Variants in MAP3K3 observed in about 807,000 individuals in gnomAD.
The protein encoded by MAP3K3 is MAP/ERK kinase kinase 3.
MAP3K3 carries 12 observed loss-of-function variants against 80.9 expected under a neutral mutation model. The ratio of observed to expected loss-of-function variants is 0.15; its 90% confidence interval spans 0.10 to 0.24. The LOEUF is 0.24. Among genes scored for constraint, MAP3K3 ranks in the 10% least tolerant of loss-of-function variants. The probability of loss-of-function intolerance (pLI) is 1.00; values close to 1 mark genes in which losing one functional copy is unlikely to be tolerated. For synonymous variants in MAP3K3, 272 were observed against 307.1 expected, an observed-to-expected ratio of 0.89 and a Z score of 1.19; for missense variants, 596 against 834.7, an observed-to-expected ratio of 0.71 and a Z score of 3.52.
At position 63,691,050 on chromosome 17, in the gene MAP3K3, C is replaced by A. The variant is rs372995382; in HGVS notation, c.1213-52C>A. The A allele has an allele frequency of 3.9e-5, 63 of 1,607,900 alleles. No homozygotes were observed. Among genetic ancestry groups the A allele is most frequent in the Non-Finnish European group, 4.6e-5 (54 of 1,176,870 alleles). ...TAGGGCAAGCTGAGCTGAACCCAGG[C>A]GGGCAGAACTAGGGCCCTGAGAGCT... On this transcript the variant is annotated intron_variant, in intron 12 of 15. Transcript: ENST00000361733. This position sits in a 1 kb window ranked among gnomAD's most constrained non-coding sequence, Gnocchi z 4.8.
chr17:63,692,529 GC>G lies in MAP3K3; in HGVS notation c.1652+113del. Reference sequence around the variant, plus strand: ...TGTGGCAGGAGGGAGTGTGCCCAGGGCCCAGGCTGCAGTGTGTGCAAGGGTA... The same window carrying G: ...TGTGGCAGGAGGGAGTGTGCCCAGGGCCAGGCTGCAGTGTGTGCAAGGGTA... On this transcript the variant is annotated intron_variant, in intron 15 of 15. Transcript: ENST00000361733. This position sits in a 1 kb window ranked among gnomAD's most constrained non-coding sequence, Gnocchi z 4.5. 8.6e-7 allele frequency: 1 copy of G among 1,168,762 alleles called. No individual in the cohort carries two copies. Among genetic ancestry groups the G allele is most frequent in the Non-Finnish European group, 1.2e-6 (1 of 844,168 alleles). 72.4% of individuals were successfully genotyped at this position (1,168,762 alleles called of 1,614,324 possible).
Position 63,689,692 on chromosome 17 carries a change from C to A in MAP3K3, c.1020C>A (p.Ser340Arg). ...DPRGRLRSAD[S>R]ENALSVQERN... is the part of the protein sequence containing the mutation. Reference sequence around the variant, plus strand: ...GTGGGCGCCTGCGGAGTGCGGACAGCGAGAATGCCCTCTCTGTGCAGGAGA... The same window carrying A: ...GTGGGCGCCTGCGGAGTGCGGACAGAGAGAATGCCCTCTCTGTGCAGGAGA... Residue 340 changes from serine (S) to arginine (R), a missense_variant, in exon 11 of 16, where the codon AGC becomes AGA. Transcript: ENST00000361733. The surrounding 1 kb of genome is among the most constrained non-coding windows in gnomAD (Gnocchi z 4.3). The A allele has an allele frequency of 6.2e-7, 1 of 1,613,862 alleles. No individual in the cohort carries two copies. The highest frequency in any genetic ancestry group is 1.1e-5 in the South Asian group (1 of 91,014).
intron 8 of MAP3K3, chr17:63,688,093 T>C (rs1384097067): frequency 4.0e-6 from 1 of 247,924 alleles, no homozygotes; most frequent in Non-Finnish European, 8.0e-6. Flanking sequence ...TATGGTGTAT[T>C]TGCTACCTCA....
intron 2 of MAP3K3, among the ~76,000 whole-genome samples, chr17:63,641,026 A>C (rs530644185): frequency 6.6e-6 from 1 of 152,328 alleles, no homozygotes; most frequent in South Asian, 2.1e-4. Context: ...CAAAACATGC[A>C]TTCTGAAACA....
intron 6 of MAP3K3, among the ~76,000 whole-genome samples, chr17:63,673,247 CAG>C (rs1310416108): frequency 6.6e-6 from 1 of 152,168 alleles, no homozygotes; most frequent in African/African-American, 2.4e-5. Context: ...CAGATAAACA[CAG>C]ATAAAATCTT....
In MAP3K3 at chr17:63,694,961, T is replaced by C. The variant is rs1310971084; in HGVS notation, c.*1184T>C. On this transcript the variant is annotated 3_prime_UTR_variant, in exon 16 of 16. Coordinates refer to ENST00000361733, the MANE Select transcript of MAP3K3 (RefSeq NM_002401.5). ...TGGGGAAACAGCATCTCCAAGCAGC[T>C]TAGAGTTGGCCATATTTACCTCAGC... 1 of 153,242 alleles carries C rather than the reference T, an allele frequency of 6.5e-6. No homozygotes were observed. Among genetic ancestry groups the C allele is most frequent in the African/African-American group, 2.4e-5 (1 of 41,462 alleles). 9.5% of individuals were successfully genotyped at this position (153,242 alleles called of 1,614,324 possible).
intron 5 of MAP3K3, among the ~76,000 whole-genome samples, chr17:63,663,955 G>T (rs769773516): frequency 2.6e-5 from 4 of 151,046 alleles, no homozygotes; most frequent in Non-Finnish European, 4.4e-5. Context: ...TTTAAAAAGG[G>T]CTTTAGGCCG....
intron 2 of MAP3K3, among the ~76,000 whole-genome samples, chr17:63,639,262 CAGTT>C (rs1031899747): frequency 1.3e-5 from 2 of 152,034 alleles, no homozygotes; most frequent in East Asian, 1.9e-4. Flanking sequence ...GAAGTATAAA[CAGTT>C]AGGTAGAACG....
At chr17:63,653,491 C>T (rs2034700847) in intron 4 of MAP3K3, among the ~76,000 whole-genome samples, 1 of 152,108 alleles carries the variant, frequency 6.6e-6, no homozygotes, top group South Asian at 2.1e-4. Context: ...ATTTAGTACT[C>T]TTTTCTTTTT....
At chr17:63,637,605 G>A (rs1160744068) in intron 2 of MAP3K3, among the ~76,000 whole-genome samples, 1 of 152,216 alleles carries the variant, frequency 6.6e-6, no homozygotes, top group Non-Finnish European at 1.5e-5. Flanking sequence ...CTGCAGGTGT[G>A]AGCTTTGGGG....
At chr17:63,663,496 G>A (rs538582635) in intron 5 of MAP3K3, among the ~76,000 whole-genome samples, 4 of 147,844 alleles carry the variant, frequency 2.7e-5, no homozygotes, top group East Asian at 2.0e-4. Context: ...GCGAAACTCC[G>A]TCTCAAAAAA....
rs2035542471 is a variant in MAP3K3, at chr17:63,689,689, C to T, written c.1017C>T (p.Asp339=). 6.2e-7 allele frequency: 1 copy of T among 1,613,848 alleles called. No homozygotes were observed. The highest frequency in any genetic ancestry group is 8.5e-7 in the Non-Finnish European group (1 of 1,179,938). Residue 339 remains aspartate, a synonymous_variant, in exon 11 of 16, where the codon GAC becomes GAT. Transcript: ENST00000361733. This position sits in a 1 kb window ranked among gnomAD's most constrained non-coding sequence, Gnocchi z 4.3. ...LDPRGRLRSA[D]SENALSVQER... ...CCCGTGGGCGCCTGCGGAGTGCGGACAGCGAGAATGCCCTCTCTGTGCAGG... is the reference window on the plus strand; with the variant it reads ...CCCGTGGGCGCCTGCGGAGTGCGGATAGCGAGAATGCCCTCTCTGTGCAGG...
intron 1 of MAP3K3, among the ~76,000 whole-genome samples, chr17:63,623,367 C>A (rs921966031): frequency 6.6e-6 from 1 of 152,184 alleles, no homozygotes; most frequent in Non-Finnish European, 1.5e-5. Flanking sequence ...GCGTGCTGCA[C>A]GCAGATTGCT....
At chr17:63,655,375 A>G (rs1227544083) in intron 4 of MAP3K3, among the ~76,000 whole-genome samples, 4 of 152,234 alleles carry the variant, frequency 2.6e-5, no homozygotes, top group Non-Finnish European at 1.5e-5. Flanking sequence ...GGATGGGGAC[A>G]CAGCCAAACC....
rs145743099 is a variant in MAP3K3 at position 63,649,303 on chromosome 17, G to T, written c.167+3229G>T. On this transcript the variant is annotated intron_variant, in intron 3 of 15. Transcript: ENST00000361733. ...AATATAAAAATTAGCTGGGTGTGGT[G>T]GTGCACACCTGTAGTCCCAGCTACT... is the stretch of plus-strand genomic sequence containing the variant. 8.3e-3 allele frequency among the ~76,000 whole-genome samples: 1,255 copies of T among 152,096 alleles called. 20 individuals carry two copies. The highest frequency in any genetic ancestry group is 0.028 in the African/African-American group (1,180 of 41,476).
intron 3 of MAP3K3, among the ~76,000 whole-genome samples, chr17:63,646,849 T>C (rs549225556): frequency 4.3e-4 from 65 of 152,324 alleles, no homozygotes; most frequent in African/African-American, 1.6e-3. Context: ...TGCATGTTTG[T>C]GCATGTGCGG....
At position 63,692,039 on chromosome 17, in the gene MAP3K3, C is replaced by T. The variant is rs2035603125; in HGVS notation, c.1474+177C>T. On this transcript the variant is annotated intron_variant, in intron 14 of 15. Transcript: ENST00000361733. This position sits in a 1 kb window ranked among gnomAD's most constrained non-coding sequence, Gnocchi z 4.5. ...ATATGAGAGAATATTGCCAAGTTCCCTCTACATGTGGGCCTTGGAGATGGT... is the reference window on the plus strand; with the variant it reads ...ATATGAGAGAATATTGCCAAGTTCCTTCTACATGTGGGCCTTGGAGATGGT... Among the ~76,000 whole-genome samples the T allele has an allele frequency of 6.6e-6, 1 of 152,204 alleles. No homozygotes were observed. Among genetic ancestry groups the T allele is most frequent in the African/African-American group, 2.4e-5 (1 of 41,446 alleles).
rs1280081394 is a variant in MAP3K3, at chr17:63,691,976, A to C, written c.1474+114A>C. 2 of 1,256,176 alleles carry C rather than the reference A, an allele frequency of 1.6e-6. No homozygotes were observed. Among genetic ancestry groups the C allele is most frequent in the African/African-American group, 1.5e-5 (1 of 66,892 alleles). 77.8% of individuals were successfully genotyped at this position (1,256,176 alleles called of 1,614,324 possible). On this transcript the variant is annotated intron_variant, in intron 14 of 15. Transcript: ENST00000361733. The surrounding 1 kb of genome is among the most constrained non-coding windows in gnomAD (Gnocchi z 4.8). ...TGAACTTTCTGAAAAGTGGGACCCC[A>C]GTTGTTTCCCTGAGGAACTGGTGAG... is the stretch of plus-strand genomic sequence containing the variant.
chr17:63,658,561 A>G (rs1055757396), intron 5 of MAP3K3, among the ~76,000 whole-genome samples: 1 of 152,080 alleles, frequency 6.6e-6, no homozygotes, highest in Non-Finnish European at 1.5e-5. Context: ...TGATTCTTCT[A>G]CCAGTTTTCT....
Sources: gnomAD v4.1 joint callset for allele counts (sites outside exome capture counted in the v4.1 genomes callset) on GRCh38, gnomAD v4.1.1 for gene constraint, Gnocchi (gnomAD v3.1) non-coding constraint, MANE v1.5 for transcripts, NCBI Gene and HGNC (gene_info 2026-07-23, HGNC 2026-07-21) for gene names.